The following GPR158 variants were observed in gnomAD, a reference collection of about 807,000 sequenced individuals.
The protein encoded by GPR158 is metabotropic glycine receptor.
In GPR158, 30 loss-of-function variants were observed where a neutral mutation model predicts 78.2. That is an observed-to-expected ratio of 0.38 (90% confidence interval 0.29 to 0.52). GPR158 has a LOEUF of 0.52. Among genes scored for constraint, GPR158 ranks in the 20% least tolerant of loss-of-function variants. The pLI is 0.83. For synonymous variants in GPR158, 581 were observed against 591.1 expected, an observed-to-expected ratio of 0.98 and a Z score of 0.25; for missense variants, 1,463 against 1,523.5, an observed-to-expected ratio of 0.96 and a Z score of 0.66.
At chr10:25,531,682 C>A (rs1836425052) in intron 5 of GPR158, among the ~76,000 whole-genome samples, 1 of 152,150 alleles carries the variant, frequency 6.6e-6, no homozygotes, top group Non-Finnish European at 1.5e-5. Context: ...GTAGGATCAC[C>A]TCATGCTCGC....
chr10:25,396,239 T>A (rs377650455), intron 3 of GPR158, among the ~76,000 whole-genome samples: 17 of 152,290 alleles, frequency 1.1e-4, no homozygotes, highest in Admixed American at 2.0e-4. Context: ...TTTTAATACA[T>A]TTTAAAAGTC....
At chr10:25,280,698 C>G (rs2130753001) in intron 2 of GPR158, among the ~76,000 whole-genome samples, 1 of 148,950 alleles carries the variant, frequency 6.7e-6, no homozygotes, top group East Asian at 2.0e-4. Context: ...AATCACATAT[C>G]AACACATTTT....
chr10:25,441,730 A>G (rs968535471), intron 4 of GPR158, among the ~76,000 whole-genome samples: 6 of 152,184 alleles, frequency 3.9e-5, no homozygotes, highest in African/African-American at 1.4e-4. Context: ...ATTATTTTTT[A>G]TATCCTGAAA....
At chr10:25,305,039 A>T (rs1161104993) in intron 2 of GPR158, among the ~76,000 whole-genome samples, 1 of 152,164 alleles carries the variant, frequency 6.6e-6, no homozygotes. Context: ...ATACTCCCAC[A>T]CCCTTGGTGG....
intron 4 of GPR158, among the ~76,000 whole-genome samples, chr10:25,421,522 T>A (rs1046222830): frequency 6.6e-6 from 1 of 152,186 alleles, no homozygotes; most frequent in Admixed American, 6.5e-5. Context: ...ATTTTTTTTC[T>A]TAAACCTAAT....
At chr10:25,302,678 A>C (rs1478116785) in intron 2 of GPR158, among the ~76,000 whole-genome samples, 1 of 152,198 alleles carries the variant, frequency 6.6e-6, no homozygotes, top group Non-Finnish European at 1.5e-5. Context: ...CAATATGTAA[A>C]AACAATTTTA....
chr10:25,195,004 G>A (rs10764524), intron 1 of GPR158, among the ~76,000 whole-genome samples: 152,215 of 152,216 alleles, frequency 1, 76,107 homozygotes, highest in Middle Eastern at 1. Flanking sequence ...TAAATAATCG[G>A]ATCCTGCCAT....
At chr10:25,279,195 T>A (rs1274824411) in intron 2 of GPR158, among the ~76,000 whole-genome samples, 1 of 152,168 alleles carries the variant, frequency 6.6e-6, no homozygotes, top group Non-Finnish European at 1.5e-5. Context: ...CTGCTACTAC[T>A]ACTACTAGTT....
At chr10:25,425,854 T>G (rs1834813411) in intron 4 of GPR158, among the ~76,000 whole-genome samples, 1 of 152,114 alleles carries the variant, frequency 6.6e-6, no homozygotes, top group African/African-American at 2.4e-5. Context: ...TTTGTATGGT[T>G]TCCTTTGTGC....
intron 2 of GPR158, among the ~76,000 whole-genome samples, chr10:25,336,250 T>C (rs1183197993): frequency 1.3e-5 from 2 of 152,092 alleles, no homozygotes; most frequent in Non-Finnish European, 2.9e-5. Context: ...GTTTATGTTA[T>C]TTGAAGTCTG....
chr10:25,240,097 A>T (rs1853582980), intron 2 of GPR158, among the ~76,000 whole-genome samples: 1 of 152,244 alleles, frequency 6.6e-6, no homozygotes, highest in African/African-American at 2.4e-5. Flanking sequence ...TGATTAATCT[A>T]GTCATTTCAG....
chr10:25,252,128 C>A (rs1358903671), intron 2 of GPR158, among the ~76,000 whole-genome samples: 6 of 152,146 alleles, frequency 3.9e-5, no homozygotes, highest in African/African-American at 1.4e-4. Context: ...CTTCTGCATT[C>A]TTCACATAGT....
chr10:25,356,394 G>A (rs897534389), intron 2 of GPR158, among the ~76,000 whole-genome samples: 2 of 151,342 alleles, frequency 1.3e-5, no homozygotes, highest in Non-Finnish European at 2.9e-5. Context: ...CTCCCTTTGC[G>A]ACTTTTTTTT....
At chr10:25,538,978 T>C (rs1836538733) in intron 5 of GPR158, among the ~76,000 whole-genome samples, 1 of 152,204 alleles carries the variant, frequency 6.6e-6, no homozygotes, top group African/African-American at 2.4e-5. Context: ...GAAGCGCCTC[T>C]TCTCATAGAG....
intron 2 of GPR158, among the ~76,000 whole-genome samples, chr10:25,363,592 A>G (rs1223592327): frequency 6.6e-6 from 1 of 151,948 alleles, no homozygotes; most frequent in Non-Finnish European, 1.5e-5. Flanking sequence ...AAGATTTTAT[A>G]ATCATAGAGT....
At chr10:25,409,418 C>T (rs1328465631) in intron 3 of GPR158, among the ~76,000 whole-genome samples, 1 of 152,152 alleles carries the variant, frequency 6.6e-6, no homozygotes, top group Non-Finnish European at 1.5e-5. Flanking sequence ...TCTGCCTCAA[C>T]CTTCAGGTCT....
chr10:25,276,947 A>AT (rs750990710), intron 2 of GPR158, among the ~76,000 whole-genome samples: 8,058 of 139,328 alleles, frequency 0.058, 630 homozygotes, highest in African/African-American at 0.19. Flanking sequence ...GCATCCAACT[A>AT]TTTTTTTTTT....
chr10:25,433,552 TGTG>T (rs1564454587), intron 4 of GPR158, among the ~76,000 whole-genome samples: 1 of 126,794 alleles, frequency 7.9e-6, no homozygotes, highest in Non-Finnish European at 1.8e-5. Context: ...GTGTGTTGTG[TGTG>T]TGTGTGTGTG....
intron 5 of GPR158, among the ~76,000 whole-genome samples, chr10:25,492,003 G>C (rs1208066854): frequency 6.6e-6 from 1 of 152,146 alleles, no homozygotes; most frequent in Non-Finnish European, 1.5e-5. Flanking sequence ...TTTGGCTCAT[G>C]GTTCTGCAGG....
Sources: gnomAD v4.1 joint callset for allele counts (sites outside exome capture counted in the v4.1 genomes callset) on GRCh38, gnomAD v4.1.1 for gene constraint, MANE v1.5 for transcripts, NCBI Gene and HGNC (gene_info 2026-07-23, HGNC 2026-07-21) for gene names.